Variants in RAB2A observed in about 807,000 individuals in gnomAD.
RAB2A encodes ras-related protein Rab-2A.
RAB2A carries 7 observed loss-of-function variants against 32.5 expected under a neutral mutation model. The ratio of observed to expected loss-of-function variants is 0.22; its 90% confidence interval spans 0.12 to 0.40. The LOEUF (loss-of-function observed/expected upper bound fraction) is 0.40. Among genes scored for constraint, RAB2A ranks in the 10% least tolerant of loss-of-function variants. The probability of loss-of-function intolerance (pLI) is 1.00; values close to 1 mark genes in which losing one functional copy is unlikely to be tolerated. For missense variants in RAB2A, 108 were observed against 260.7 expected (o/e 0.41, Z 4.03); for synonymous variants, 79 against 85.2 (o/e 0.93, Z 0.40).
intron 6 of RAB2A, among the ~76,000 whole-genome samples, chr8:60,601,609 ATTAT>A (rs1281882501): frequency 6.6e-6 from 1 of 152,198 alleles, no homozygotes; most frequent in Non-Finnish European, 1.5e-5. Context: ...AAGTGCTGGG[ATTAT>A]AGGCATGAGC....
chr8:60,572,461 C>T (rs1183815904), intron 3 of RAB2A, among the ~76,000 whole-genome samples: 1 of 152,088 alleles, frequency 6.6e-6, no homozygotes, highest in Non-Finnish European at 1.5e-5. Context: ...ATAACTTATT[C>T]TTCAGGCTTA....
At chr8:60,551,641 C>T (rs531283593) in intron 1 of RAB2A, among the ~76,000 whole-genome samples, 3 of 152,120 alleles carry the variant, frequency 2.0e-5, no homozygotes, top group Non-Finnish European at 4.4e-5. Flanking sequence ...TACAGTGGTG[C>T]AAAAGTGACA....
At chr8:60,585,409 T>C (rs772119424) in intron 5 of RAB2A, among the ~76,000 whole-genome samples, 1 of 152,104 alleles carries the variant, frequency 6.6e-6, no homozygotes, top group African/African-American at 2.4e-5. Context: ...CCTCCCGGGC[T>C]CAAGGGAATC....
At chr8:60,558,295 A>G (rs1807968472) in intron 1 of RAB2A, 1 of 414,282 alleles carries the variant, frequency 2.4e-6, no homozygotes, top group Non-Finnish European at 4.7e-6. Flanking sequence ...CTTTGAATTT[A>G]GAAATGTGGG....
In RAB2A at chr8:60,603,923, T is replaced by A. The variant is rs1429555163; in HGVS notation, c.474+11954T>A. On this transcript the variant is annotated intron_variant, in intron 6 of 7. Transcript: ENST00000262646. ...AAAAGAAAAGAAGAAAGAAAATAGA[T>A]GCTTGATTGATAGACAGACAGATAG... Among the ~76,000 whole-genome samples the A allele has an allele frequency of 1.3e-5, 2 of 152,124 alleles. 1 individual carries two copies. The highest frequency in any genetic ancestry group is 4.8e-5 in the African/African-American group (2 of 41,426).
rs1300494192 is a variant in RAB2A at position 60,517,249 on chromosome 8, C to T, written c.42C>T (p.Asp14=). The change falls in exon 1 of 8, where the codon GAC becomes GAT. Residue 14 remains aspartate, a synonymous_variant. Coordinates refer to ENST00000262646, the MANE Select transcript of RAB2A (RefSeq NM_002865.3). ...AYLFKYIIIG[D]TGVGKSCLLL... ...TCTTCAAGTACATCATAATCGGCGA[C>T]ACAGGTGAGGGCCCCGGGCGCGGCC... The T allele has an allele frequency of 1.3e-6, 2 of 1,491,580 alleles. No individual in the cohort carries two copies. Among genetic ancestry groups the T allele is most frequent in the Non-Finnish European group, 8.9e-7 (1 of 1,119,734 alleles). 92.4% of individuals were successfully genotyped at this position (1,491,580 alleles called of 1,614,324 possible). A position where few individuals can be genotyped will look rare whatever the true frequency, so the allele number is the denominator to read the frequency against.
chr8:60,533,175 A>C (rs1248356161), intron 1 of RAB2A, among the ~76,000 whole-genome samples: 1 of 152,246 alleles, frequency 6.6e-6, no homozygotes, highest in African/African-American at 2.4e-5. Context: ...GATTCATATG[A>C]GTCAGATAAG....
At position 60,622,594 on chromosome 8, in the gene RAB2A, A is replaced by T. The variant is rs1448339105; in HGVS notation, c.*1825A>T. The T allele has an allele frequency of 6.6e-6, 1 of 152,212 alleles. No individual in the cohort carries two copies. The highest frequency in any genetic ancestry group is 1.5e-5 in the Non-Finnish European group (1 of 68,036). 9.4% of individuals were successfully genotyped at this position (152,212 alleles called of 1,614,324 possible). A position where few individuals can be genotyped will look rare whatever the true frequency, so the allele number is the denominator to read the frequency against. On this transcript the variant is annotated 3_prime_UTR_variant, in exon 8 of 8. Transcript: ENST00000262646. ...TACCAAGAAGAGAATGATTCTTTGGAAATTGTTATTTTTAAGCTTCTGTTA... is the reference window on the plus strand; with the variant it reads ...TACCAAGAAGAGAATGATTCTTTGGTAATTGTTATTTTTAAGCTTCTGTTA...
chr8:60,592,258 A>G (rs1803955203), intron 6 of RAB2A: 1 of 211,762 alleles, frequency 4.7e-6, no homozygotes, highest in Non-Finnish European at 9.7e-6. Flanking sequence ...TTTTAATCAC[A>G]TTCATAGAAA....
intron 1 of RAB2A, among the ~76,000 whole-genome samples, chr8:60,547,361 T>G (rs1274194421): frequency 6.6e-6 from 1 of 152,234 alleles, no homozygotes. Context: ...CCCCTTTCTA[T>G]TCCACAAAAC....
At chr8:60,578,566 C>T (rs1803681354) in intron 3 of RAB2A, among the ~76,000 whole-genome samples, 1 of 152,116 alleles carries the variant, frequency 6.6e-6, no homozygotes, top group African/African-American at 2.4e-5. Flanking sequence ...CTTGTATGAG[C>T]AAGATTTTGA....
At chr8:60,526,017 G>GTATATATA (rs1312469468) in intron 1 of RAB2A, among the ~76,000 whole-genome samples, 9 of 74,248 alleles carry the variant, frequency 1.2e-4, no homozygotes, top group African/African-American at 2.4e-4. Flanking sequence ...ATGTGTGTGT[G>GTATATATA]TACATATATA....
chr8:60,610,429 A>G (rs1804323693), intron 6 of RAB2A, among the ~76,000 whole-genome samples: 1 of 152,160 alleles, frequency 6.6e-6, no homozygotes, highest in Admixed American at 6.5e-5. Flanking sequence ...CTTTGTTGTA[A>G]CTGGTGGAAT....
chr8:60,521,323 GTT>G (rs1450879960), intron 1 of RAB2A, among the ~76,000 whole-genome samples: 1 of 152,178 alleles, frequency 6.6e-6, no homozygotes, highest in Non-Finnish European at 1.5e-5. Flanking sequence ...GTAGTTGAAA[GTT>G]TATTTCTGGC....
intron 1 of RAB2A, among the ~76,000 whole-genome samples, chr8:60,557,038 C>T (rs1164218843): frequency 3.9e-5 from 6 of 152,160 alleles, no homozygotes; most frequent in African/African-American, 1.2e-4. Context: ...ATAACTAACT[C>T]TTTTAACTTA....
intron 1 of RAB2A, among the ~76,000 whole-genome samples, chr8:60,517,506 C>T (rs1807225935): frequency 6.6e-6 from 1 of 152,170 alleles, no homozygotes; most frequent in Non-Finnish European, 1.5e-5. Flanking sequence ...TTGCGACGCC[C>T]GATTCAGGAA....
intron 6 of RAB2A, among the ~76,000 whole-genome samples, chr8:60,597,698 T>G (rs906060155): frequency 2.0e-5 from 3 of 152,028 alleles, no homozygotes; most frequent in African/African-American, 7.2e-5. Flanking sequence ...GGAGGGAATA[T>G]TAAAGATAAG....
chr8:60,590,598 AATAC>A (rs996233294), intron 5 of RAB2A, among the ~76,000 whole-genome samples: 5 of 146,620 alleles, frequency 3.4e-5, no homozygotes, highest in Admixed American at 2.0e-4. Context: ...ATATATATAT[AATAC>A]ATATATATAT....
intron 1 of RAB2A, among the ~76,000 whole-genome samples, chr8:60,522,572 AAG>A (rs1807317863): frequency 6.6e-6 from 1 of 152,212 alleles, no homozygotes; most frequent in South Asian, 2.1e-4. Flanking sequence ...GTTTTACAAA[AAG>A]AGTTATTGGG....
Sources: allele counts gnomAD v4.1 joint callset (sites outside exome capture counted in the v4.1 genomes callset), GRCh38; gene constraint gnomAD v4.1.1; transcripts MANE v1.5; gene names NCBI Gene and HGNC (gene_info 2026-07-23, HGNC 2026-07-21).